DPP6: variants seen among roughly 807,000 people sequenced by gnomAD.
DPP6 encodes the protein A-type potassium channel modulatory protein DPP6.
Under a neutral mutation model 122.6 loss-of-function variants are expected in DPP6, and 69 were observed. The observed-to-expected ratio is 0.56, with a 90% CI of 0.46 to 0.69. DPP6 has a LOEUF of 0.69. Among genes scored for constraint, DPP6 ranks in the 30% least tolerant of loss-of-function variants. DPP6 has a pLI of 0.00. For missense variants in DPP6, 928 were observed against 1,116.9 expected, an observed-to-expected ratio of 0.83 and a Z score of 2.41; for synonymous variants, 418 against 433.1, an observed-to-expected ratio of 0.97 and a Z score of 0.43.
intron 5 of DPP6, among the ~76,000 whole-genome samples, chr7:154,592,731 G>A (rs530383581): frequency 1.3e-5 from 2 of 152,254 alleles, no homozygotes; most frequent in South Asian, 4.2e-4. Flanking sequence ...GCAGGCCAGC[G>A]TGGCTACAGT....
chr7:154,594,713 C>T (rs899744540), intron 5 of DPP6, among the ~76,000 whole-genome samples: 2 of 152,168 alleles, frequency 1.3e-5, no homozygotes, highest in African/African-American at 4.8e-5. Context: ...GCACACACCA[C>T]CTACCACAAC....
intron 1 of DPP6, among the ~76,000 whole-genome samples, chr7:153,924,722 T>C (rs923920591): frequency 2.6e-5 from 4 of 152,140 alleles, no homozygotes; most frequent in African/African-American, 9.7e-5. Context: ...ATCTGAGTCA[T>C]TGATGGCCAG....
At chr7:154,291,861 A>G (rs1805233950) in intron 1 of DPP6, among the ~76,000 whole-genome samples, 1 of 152,236 alleles carries the variant, frequency 6.6e-6, no homozygotes, top group Admixed American at 6.5e-5. Context: ...ATTAAACATA[A>G]ACACTTCAGA....
intron 7 of DPP6, among the ~76,000 whole-genome samples, chr7:154,680,840 C>T (rs1839237297): frequency 6.6e-6 from 1 of 152,132 alleles, no homozygotes; most frequent in African/African-American, 2.4e-5. Flanking sequence ...CGCCCATCAC[C>T]CTCCGGGGAT....
chr7:154,336,267 G>A (rs1258315922), intron 1 of DPP6, among the ~76,000 whole-genome samples: 1 of 152,110 alleles, frequency 6.6e-6, no homozygotes, highest in Non-Finnish European at 1.5e-5. Context: ...CCTTTCTCCT[G>A]ATAGACCGTG....
intron 1 of DPP6, among the ~76,000 whole-genome samples, chr7:154,256,929 G>T (rs1802690862): frequency 6.6e-6 from 1 of 151,898 alleles, no homozygotes; most frequent in Admixed American, 6.6e-5. Flanking sequence ...TCTAGAAAAT[G>T]CCAGGCTTTA....
intron 1 of DPP6, among the ~76,000 whole-genome samples, chr7:154,228,494 C>G (rs911962761): frequency 6.6e-6 from 1 of 152,040 alleles, no homozygotes; most frequent in East Asian, 1.9e-4. Context: ...GTCAAAGATA[C>G]CGCTTGGGTT....
chr7:154,608,033 G>T (rs368395570), intron 5 of DPP6, among the ~76,000 whole-genome samples: 1 of 59,276 alleles, frequency 1.7e-5, no homozygotes, highest in African/African-American at 4.0e-5. Flanking sequence ...AGGCTGGAGT[G>T]CAGTGGCACG....
chr7:153,927,229 C>T (rs1800943191), intron 1 of DPP6, among the ~76,000 whole-genome samples: 1 of 152,194 alleles, frequency 6.6e-6, no homozygotes, highest in Non-Finnish European at 1.5e-5. Context: ...GGGAGGATCA[C>T]TTGAGTGCCG....
chr7:153,786,740 G>GAAAA, the DPP6 span, among the ~76,000 whole-genome samples: 3 of 31,770 alleles, frequency 9.4e-5, no homozygotes, highest in African/African-American at 2.0e-4. Context: ...CTCCGTCTCA[G>GAAAA]AAAAAAAAAA....
intron 7 of DPP6, among the ~76,000 whole-genome samples, chr7:154,696,339 C>G (rs1840218472): frequency 6.6e-6 from 1 of 152,140 alleles, no homozygotes; most frequent in African/African-American, 2.4e-5. Flanking sequence ...TTACACGGGA[C>G]CCAGTGACAG....
chr7:154,125,159 G>C (rs1229304871), intron 1 of DPP6, among the ~76,000 whole-genome samples: 1 of 152,208 alleles, frequency 6.6e-6, no homozygotes, highest in Non-Finnish European at 1.5e-5. Flanking sequence ...GTAGAAACCA[G>C]ATCAGGGCAC....
intron 16 of DPP6, among the ~76,000 whole-genome samples, chr7:154,829,347 C>T (rs181443450): frequency 6.1e-4 from 92 of 150,002 alleles, no homozygotes; most frequent in African/African-American, 2.1e-3. Flanking sequence ...TGTGCCACTG[C>T]AAGCCAGCCT....
intron 1 of DPP6, among the ~76,000 whole-genome samples, chr7:154,322,694 A>G (rs1808081993): frequency 6.6e-6 from 1 of 152,182 alleles, no homozygotes; most frequent in Non-Finnish European, 1.5e-5. Context: ...TCTTAATTCC[A>G]GGTGTACTCG....
the DPP6 span, among the ~76,000 whole-genome samples, chr7:153,797,013 A>G: frequency 9.9e-5 from 15 of 152,170 alleles, no homozygotes; most frequent in Non-Finnish European, 1.8e-4. Flanking sequence ...CCATGTTGCA[A>G]GCTGCCCTGT....
intron 2 of DPP6, among the ~76,000 whole-genome samples, chr7:154,454,175 G>T (rs1317212180): frequency 6.6e-6 from 1 of 152,180 alleles, no homozygotes; most frequent in Middle Eastern, 3.2e-3. Flanking sequence ...TGGCTTGAGT[G>T]GGTTCTGGTA....
chr7:154,675,157 A>G (rs1838807473), intron 7 of DPP6, among the ~76,000 whole-genome samples: 1 of 152,078 alleles, frequency 6.6e-6, no homozygotes, highest in African/African-American at 2.4e-5. Context: ...GAATTGAACA[A>G]TGAGAACACA....
At chr7:154,366,715 A>T (rs1812222416) in intron 1 of DPP6, among the ~76,000 whole-genome samples, 1 of 152,184 alleles carries the variant, frequency 6.6e-6, no homozygotes. Context: ...GAGATGGAAG[A>T]ATTGGGTGAG....
chr7:154,034,522 T>G (rs1262849395), intron 1 of DPP6, among the ~76,000 whole-genome samples: 3 of 152,162 alleles, frequency 2.0e-5, no homozygotes, highest in African/African-American at 7.2e-5. Flanking sequence ...CTCCTGTCTT[T>G]TCCTTCCTTT....
Sources: gnomAD v4.1 joint callset for allele counts (sites outside exome capture counted in the v4.1 genomes callset) on GRCh38, gnomAD v4.1.1 for gene constraint, MANE v1.5 for transcripts, NCBI Gene and HGNC (gene_info 2026-07-23, HGNC 2026-07-21) for gene names.